Variants in HNRNPA1 observed in about 807,000 individuals in gnomAD.
HNRNPA1 encodes the protein epididymis secretory sperm binding protein.
A neutral mutation model predicts 44.4 loss-of-function variants in HNRNPA1; 7 were observed. The ratio of observed to expected loss-of-function variants is 0.16; its 90% confidence interval spans 0.09 to 0.30. The LOEUF (loss-of-function observed/expected upper bound fraction) is 0.30. HNRNPA1 is among the 10% of genes least tolerant of loss of function. The probability of loss-of-function intolerance (pLI) is 1.00; values close to 1 mark genes in which losing one functional copy is unlikely to be tolerated. For missense variants in HNRNPA1, 193 were observed against 465.8 expected, an observed-to-expected ratio of 0.41 and a Z score of 5.39; for synonymous variants, 169 against 160.6, an observed-to-expected ratio of 1.05 and a Z score of -0.40.
intron 8 of HNRNPA1, 133 bp downstream of exon 8, chr12:54,283,367 C>T (rs913761290): frequency 2.0e-6 from 2 of 978,374 alleles, no homozygotes; most frequent in Admixed American, 5.0e-5. Context: ...GCTATGCTAC[C>T]TCCTCCTAGC....
chr12:54,283,964 C>T lies in HNRNPA1; in HGVS notation c.1060C>T (p.Gln354Ter). 1 of 1,605,452 alleles carries T rather than the reference C, an allele frequency of 6.2e-7. No homozygotes were observed. The highest frequency in any genetic ancestry group is 8.5e-7 in the Non-Finnish European group (1 of 1,179,948). Residue 354 changes from glutamine to a stop codon, truncating the protein, a stop_gained, in exon 9 of 11, where the codon CAA (glutamine) becomes TAA (stop). Coordinates refer to ENST00000340913, the MANE Select transcript of HNRNPA1 (RefSeq NM_031157.4). LOFTEE classifies it high-confidence loss of function. The part of the protein sequence containing the change: ...GGQYFAKPRN[Q>*]GGYGGSSSSS... ...CCAATACTTTGCAAAACCACGAAAC[C>T]AAGGTATGGTATCTATGTAATTTTG...
rs1944272284 is a variant in HNRNPA1, at chr12:54,286,942, G to T, written c.*2398G>T. On this transcript the variant is annotated 3_prime_UTR_variant, in exon 11 of 11. Transcript: ENST00000340913. ...ATATGAATACTTTACAACCTCTTTT[G>T]CCTTTTGCAGGAACGTCCTTGTGAA... 6.6e-6 allele frequency: 1 copy of T among 152,298 alleles called. No homozygotes were observed. The highest frequency in any genetic ancestry group is 1.9e-4 in the East Asian group (1 of 5,186). 9.4% of individuals were successfully genotyped at this position (152,298 alleles called of 1,614,324 possible). A position where few individuals can be genotyped will look rare whatever the true frequency, so the allele number is the denominator to read the frequency against.
intron 9 of HNRNPA1, 125 bp from the exon 10 acceptor site, chr12:54,284,133 C>G: frequency 8.0e-7 from 1 of 1,246,044 alleles, no homozygotes; most frequent in Non-Finnish European, 1.1e-6. Context: ...GACCTCTTTA[C>G]CACCTCCCTT....
intron 1 of HNRNPA1, 159 bp downstream of exon 1, chr12:54,280,981 CTT>C (rs763214254): frequency 5.0e-6 from 4 of 806,602 alleles, no homozygotes; most frequent in Admixed American, 2.0e-5. Context: ...ATTTTGTCCT[CTT>C]GATCGCCATG....
chr12:54,281,366 TCCCCCTC>T lies in HNRNPA1; in HGVS notation c.16-14_16-8del. The T allele has an allele frequency of 2.2e-6, 3 of 1,364,108 alleles. No individual in the cohort carries two copies. Among genetic ancestry groups the T allele is most frequent in the Non-Finnish European group, 3.1e-6 (3 of 966,276 alleles). The allele number at this position is 1,364,108 out of a possible 1,614,324, so 84.5% of individuals were successfully genotyped here. On this transcript the variant is annotated splice_polypyrimidine_tract_variant and intron_variant, in intron 1 of 10. Coordinates refer to ENST00000340913, the MANE Select transcript of HNRNPA1 (RefSeq NM_031157.4). ...TTCGTGTTGTAGCCCATTTAACACTTCCCCCTCCCCCCACTCTAGTCTCCTAAAGAGC... is the reference window on the plus strand; with the variant it reads ...TTCGTGTTGTAGCCCATTTAACACTTCCCCCACTCTAGTCTCCTAAAGAGC...
intron 8 of HNRNPA1, 176 bp from the exon 9 acceptor site, chr12:54,283,636 C>A: frequency 1.5e-6 from 1 of 669,066 alleles, no homozygotes; most frequent in Non-Finnish European, 2.6e-6. Flanking sequence ...CTTTGTATTA[C>A]TGGATTATTC....
rs1264021309 is a variant in HNRNPA1, at chr12:54,286,900, G to A, written c.*2356G>A. ...TAGTGACAGTGGATATAACTGTGTA[G>A]TCATTCACCTCTGCTTATATGAATA... On this transcript the variant is annotated 3_prime_UTR_variant, in exon 11 of 11. Transcript: ENST00000340913. 6.6e-6 allele frequency: 1 copy of A among 152,190 alleles called. No homozygotes were observed. The highest frequency in any genetic ancestry group is 1.5e-5 in the Non-Finnish European group (1 of 68,044). 9.4% of individuals were successfully genotyped at this position (152,190 alleles called of 1,614,324 possible).
At chr12:54,282,026 T>C in intron 3 of HNRNPA1, 64 bp from the exon 4 acceptor site, 2 of 1,599,362 alleles carry the variant, frequency 1.3e-6, no homozygotes, top group Admixed American at 1.7e-5. Flanking sequence ...TTTCTAAACT[T>C]ACCAAAATTT....
In HNRNPA1 at chr12:54,281,932, C is replaced by T; in HGVS notation, c.270C>T (p.Val90=). 1.2e-6 allele frequency: 2 copies of T among 1,613,444 alleles called. No homozygotes were observed. Among genetic ancestry groups the T allele is most frequent in the Non-Finnish European group, 1.7e-6 (2 of 1,179,978 alleles). ...DGRVVEPKRA[V]SREDSQRPGA... ...GAGTTGTGGAACCAAAGAGAGCTGT[C>T]TCCAGAGAAGTGAGTGGGTTTTTTT... is the stretch of plus-strand genomic sequence containing the variant. The change falls in exon 3 of 11, where the codon GTC becomes GTT. Residue 90 remains valine (V), a synonymous_variant. Coordinates refer to ENST00000340913, the MANE Select transcript of HNRNPA1 (RefSeq NM_031157.4).
chr12:54,284,012 T>G, intron 9 of HNRNPA1, 45 bp downstream of exon 9: 1 of 1,594,398 alleles, frequency 6.3e-7, no homozygotes. Flanking sequence ...AGAGTGTCTG[T>G]AGCTACTGCT....
Position 54,286,358 on chromosome 12 carries a change from A to G in HNRNPA1, c.*1814A>G, listed in dbSNP as rs1944262925. 6.6e-6 allele frequency: 1 copy of G among 152,198 alleles called. No individual in the cohort carries two copies. The highest frequency in any genetic ancestry group is 2.4e-5 in the African/African-American group (1 of 41,442). The allele number at this position is 152,198 out of a possible 1,614,324, so 9.4% of individuals were successfully genotyped here. On this transcript the variant is annotated 3_prime_UTR_variant, in exon 11 of 11. Coordinates refer to ENST00000340913, the MANE Select transcript of HNRNPA1 (RefSeq NM_031157.4). The stretch of plus-strand genomic sequence containing the variant: ...TTTTCTGTTAAACATTTTTCTTAAT[A>G]TATTGAGCCAAAACTAGTCCAGTTA...
At chr12:54,282,717 G>A in intron 6 of HNRNPA1, 52 bp downstream of exon 6, 1 of 1,595,680 alleles carries the variant, frequency 6.3e-7, no homozygotes, top group South Asian at 1.1e-5. Context: ...TCTTTGCTAT[G>A]AAGATTTTAC....
intron 8 of HNRNPA1, 67 bp from the exon 9 acceptor site, chr12:54,283,745 G>T: frequency 6.8e-7 from 1 of 1,479,036 alleles, no homozygotes; most frequent in Non-Finnish European, 9.5e-7. Context: ...TATTCTGACT[G>T]CTAAACAGAA....
chr12:54,283,365 ACCT>A (rs1392500353), intron 8 of HNRNPA1, 131 bp downstream of exon 8: 27 of 1,004,274 alleles, frequency 2.7e-5, no homozygotes, highest in East Asian at 5.2e-5. Flanking sequence ...TTGCTATGCT[ACCT>A]CCTCCTAGCT....
Position 54,285,573 on chromosome 12 carries a change from C to G in HNRNPA1, c.*1029C>G, listed in dbSNP as rs1349499500. 1 of 152,156 alleles carries G rather than the reference C, an allele frequency of 6.6e-6. No homozygotes were observed. The highest frequency in any genetic ancestry group is 1.5e-5 in the Non-Finnish European group (1 of 68,030). 9.4% of individuals were successfully genotyped at this position (152,156 alleles called of 1,614,324 possible). A position where few individuals can be genotyped will look rare whatever the true frequency, so the allele number is the denominator to read the frequency against. ...AACTATACTAATTAATTTGGAGATT[C>G]AAACCATACCAATAGAAACTAAATT... On this transcript the variant is annotated 3_prime_UTR_variant, in exon 11 of 11. Coordinates refer to ENST00000340913, the MANE Select transcript of HNRNPA1 (RefSeq NM_031157.4).
intron 3 of HNRNPA1, 37 bp downstream of exon 3, chr12:54,281,978 C>T (rs762651189): frequency 9.3e-6 from 15 of 1,610,328 alleles, no homozygotes; most frequent in African/African-American, 1.3e-5. Context: ...CTTAAACTTA[C>T]TTGGATATGT....
At chr12:54,281,363 A>G (rs372935253) in intron 1 of HNRNPA1, 23 bp from the exon 2 acceptor site, 71 of 1,323,446 alleles carry the variant, frequency 5.4e-5, no homozygotes, top group Non-Finnish European at 7.2e-5. Flanking sequence ...CCCATTTAAC[A>G]CTTCCCCCTC....
Position 54,285,729 on chromosome 12 carries a change from T to G in HNRNPA1, c.*1185T>G, listed in dbSNP as rs1162034975. 2 of 152,194 alleles carry G rather than the reference T, an allele frequency of 1.3e-5. No homozygotes were observed. Among genetic ancestry groups the G allele is most frequent in the African/African-American group, 4.8e-5 (2 of 41,442 alleles). 9.4% of individuals were successfully genotyped at this position (152,194 alleles called of 1,614,324 possible). ...CAGTTAATATCCAATAATGTGTTATTTGTACATAGATTCTTTTGAGCCTTA... is the reference window on the plus strand; with the variant it reads ...CAGTTAATATCCAATAATGTGTTATGTGTACATAGATTCTTTTGAGCCTTA... On this transcript the variant is annotated 3_prime_UTR_variant, in exon 11 of 11. Transcript: ENST00000340913.
In HNRNPA1 at chr12:54,286,893, C is replaced by T. The variant is rs1471740296; in HGVS notation, c.*2349C>T. 1 of 152,196 alleles carries T rather than the reference C, an allele frequency of 6.6e-6. No individual in the cohort carries two copies. Among genetic ancestry groups the T allele is most frequent in the Admixed American group, 6.5e-5 (1 of 15,284 alleles). 9.4% of individuals were successfully genotyped at this position (152,196 alleles called of 1,614,324 possible). ...TTCCCAGTAGTGACAGTGGATATAA[C>T]TGTGTAGTCATTCACCTCTGCTTAT... On this transcript the variant is annotated 3_prime_UTR_variant, in exon 11 of 11. Transcript: ENST00000340913.
Sources: gnomAD v4.1 joint callset for allele counts on GRCh38, gnomAD v4.1.1 for gene constraint, MANE v1.5 for transcripts, NCBI Gene and HGNC (gene_info 2026-07-23, HGNC 2026-07-21) for gene names.